AFDN: variants seen among roughly 807,000 people sequenced by gnomAD.
The protein encoded by AFDN is afadin, adherens junction formation factor.
Under a neutral mutation model 216.6 loss-of-function variants are expected in AFDN, and 68 were observed. The ratio of observed to expected loss-of-function variants is 0.31; its 90% CI spans 0.26 to 0.38. The LOEUF is 0.38. Among genes scored for constraint, AFDN ranks in the 10% least tolerant of loss-of-function variants. AFDN has a pLI of 1.00. For missense variants in AFDN, 2,136 were observed against 2,342.0 expected (o/e 0.91, Z 1.82); for synonymous variants, 868 against 853.7 (o/e 1.02, Z -0.29).
chr6:167,848,908 G>A (rs1160226399), intron 1 of AFDN, among the ~76,000 whole-genome samples: 1 of 152,042 alleles, frequency 6.6e-6, no homozygotes, highest in Non-Finnish European at 1.5e-5. Context: ...ATTACTGATT[G>A]TTTAGTCTGC....
intron 7 of AFDN, among the ~76,000 whole-genome samples, 166 bp downstream of exon 7, chr6:167,889,492 G>C (rs565774643): frequency 6.6e-6 from 1 of 152,292 alleles, no homozygotes; most frequent in South Asian, 2.1e-4. Context: ...GGAGTGCAGT[G>C]GCGCAATCTT....
At position 167,827,085 on chromosome 6, in the gene AFDN, C is replaced by T. The variant is rs536802755; in HGVS notation, c.-48C>T. On this transcript the variant is annotated 5_prime_UTR_variant, in exon 1 of 34. Coordinates refer to ENST00000683244, the MANE Select transcript of AFDN (RefSeq NM_001386888.1). The stretch of plus-strand genomic sequence containing the variant: ...CCCCGCGGACCTGTCGTCCTCGGCC[C>T]GTCCTCCGGCCCCGGCCCCGCGCGG... The T allele has an allele frequency of 8.5e-6, 9 of 1,057,304 alleles. No homozygotes were observed. Among genetic ancestry groups the T allele is most frequent in the African/African-American group, 1.7e-5 (1 of 58,282 alleles). The allele number at this position is 1,057,304 out of a possible 1,614,324, so 65.5% of individuals were successfully genotyped here.
chr6:167,895,119 AT>A (rs112628453), intron 9 of AFDN, among the ~76,000 whole-genome samples: 40 of 147,658 alleles, frequency 2.7e-4, no homozygotes, highest in Admixed American at 2.7e-4. Flanking sequence ...CAGGGTAAAA[AT>A]TTTTTTTTTT....
chr6:167,898,862 A>G (rs73032756), intron 11 of AFDN, among the ~76,000 whole-genome samples: 3,362 of 152,350 alleles, frequency 0.022, 60 homozygotes, highest in Non-Finnish European at 0.033. Context: ...TAAGGAATTC[A>G]GAATATTTTA....
chr6:167,877,761 C>T (rs1165597590), intron 5 of AFDN, among the ~76,000 whole-genome samples: 5 of 152,164 alleles, frequency 3.3e-5, no homozygotes, highest in Admixed American at 3.3e-4. Context: ...GAGACAAGGG[C>T]ACCTGTGAAC....
chr6:167,886,606 A>G (rs368817281), intron 6 of AFDN, among the ~76,000 whole-genome samples: 1 of 152,226 alleles, frequency 6.6e-6, no homozygotes. Flanking sequence ...GATTGTATAT[A>G]TAAGAGAGAT....
At chr6:167,916,976 G>T in intron 19 of AFDN, 113 bp from the exon 20 acceptor site, 2 of 899,516 alleles carry the variant, frequency 2.2e-6, no homozygotes, top group Non-Finnish European at 3.3e-6. Flanking sequence ...AAATCATTCT[G>T]CATTTCAAAG....
intron 23 of AFDN, 138 bp from the exon 24 acceptor site, chr6:167,942,991 T>A (rs187252919): frequency 1.7e-6 from 1 of 594,196 alleles, no homozygotes; most frequent in African/African-American, 1.9e-5. Flanking sequence ...GTAATTTTCA[T>A]GTAAAAATGA....
At chr6:167,879,790 C>G (rs1785883741) in intron 5 of AFDN, among the ~76,000 whole-genome samples, 1 of 152,174 alleles carries the variant, frequency 6.6e-6, no homozygotes, top group African/African-American at 2.4e-5. Flanking sequence ...AAAAATAGAA[C>G]TCTGCTCTGT....
At chr6:167,955,286 T>A (rs1371842115) in intron 30 of AFDN, among the ~76,000 whole-genome samples, 2 of 125,118 alleles carry the variant, frequency 1.6e-5, no homozygotes, top group African/African-American at 5.5e-5. Flanking sequence ...CAAATAATAG[T>A]CCCCTTTTCC....
chr6:167,954,041 GTC>G (rs971361261), intron 30 of AFDN, among the ~76,000 whole-genome samples: 10 of 152,072 alleles, frequency 6.6e-5, no homozygotes, highest in African/African-American at 2.2e-4. Flanking sequence ...TTATTTAAAG[GTC>G]TCTCAGAGTT....
At chr6:167,864,147 T>C (rs2128226932) in intron 1 of AFDN, among the ~76,000 whole-genome samples, 1 of 152,302 alleles carries the variant, frequency 6.6e-6, no homozygotes, top group Non-Finnish European at 1.5e-5. Context: ...ATCTGCCACA[T>C]ACCAGCTCGA....
chr6:167,970,733 A>G lies in AFDN; in HGVS notation c.*798A>G, dbSNP rs1583100417. On this transcript the variant is annotated 3_prime_UTR_variant, in exon 34 of 34. Coordinates refer to ENST00000683244, the MANE Select transcript of AFDN (RefSeq NM_001386888.1). ...TTTAAAGATGACAGTTACCTTGGAA[A>G]GTTCACTAATACTTCGCTCCAAGGC... The G allele has an allele frequency of 4.6e-6, 1 of 217,102 alleles. No individual in the cohort carries two copies. Among genetic ancestry groups the G allele is most frequent in the East Asian group, 6.8e-5 (1 of 14,602 alleles). 13.4% of individuals were successfully genotyped at this position (217,102 alleles called of 1,614,324 possible). A position where few individuals can be genotyped will look rare whatever the true frequency, so the allele number is the denominator to read the frequency against.
intron 23 of AFDN, among the ~76,000 whole-genome samples, chr6:167,935,984 A>G (rs1793951066): frequency 6.6e-6 from 1 of 152,150 alleles, no homozygotes; most frequent in Non-Finnish European, 1.5e-5. Flanking sequence ...CTACATGGGG[A>G]ATTTTCAGTT....
At position 167,922,201 on chromosome 6, in the gene AFDN, A is replaced by C. The variant is rs1791911800; in HGVS notation, c.2909-655A>C. Among the ~76,000 whole-genome samples the C allele has an allele frequency of 2.0e-5, 3 of 152,208 alleles. 1 individual carries two copies. In the South Asian group the frequency reaches 6.2e-4, roughly 32 times the overall value. On this transcript the variant is annotated intron_variant, in intron 21 of 33. Coordinates refer to ENST00000683244, the MANE Select transcript of AFDN (RefSeq NM_001386888.1). Reference sequence around the variant, plus strand: ...ATAGGATTTGACTAAATGAGGAATGACCTAGTTTGAATTGAAAGGCTTACT... The same window carrying C: ...ATAGGATTTGACTAAATGAGGAATGCCCTAGTTTGAATTGAAAGGCTTACT...
At chr6:167,917,936 G>A (rs192071777) in intron 20 of AFDN, among the ~76,000 whole-genome samples, 4 of 152,270 alleles carry the variant, frequency 2.6e-5, no homozygotes, top group Non-Finnish European at 5.9e-5. Context: ...GTGAAAAAAG[G>A]CAGCCCTGTG....
intron 6 of AFDN, among the ~76,000 whole-genome samples, chr6:167,886,598 T>TTG (rs1786842108): frequency 6.6e-6 from 1 of 152,182 alleles, no homozygotes; most frequent in Non-Finnish European, 1.5e-5. Context: ...GCAAGTATGA[T>TTG]TGTATATATA....
intron 23 of AFDN, among the ~76,000 whole-genome samples, chr6:167,928,726 C>A (rs1583445045): frequency 6.6e-6 from 1 of 152,348 alleles, no homozygotes; most frequent in East Asian, 1.9e-4. Context: ...CTGCCCACAC[C>A]TGTCTTTGCT....
intron 26 of AFDN, among the ~76,000 whole-genome samples, chr6:167,945,624 T>C (rs1795175621): frequency 6.6e-6 from 1 of 152,206 alleles, no homozygotes; most frequent in Admixed American, 6.5e-5. Context: ...TAAGATCATT[T>C]AGAAGATAGG....
Sources: gnomAD v4.1 joint callset for allele counts (sites outside exome capture counted in the v4.1 genomes callset) on GRCh38, gnomAD v4.1.1 for gene constraint, MANE v1.5 for transcripts, NCBI Gene and HGNC (gene_info 2026-07-23, HGNC 2026-07-21) for gene names.